Variants in TASOR2 observed in about 807,000 individuals in gnomAD.
The protein encoded by TASOR2 is transcription activation suppressor family member 2.
Under a neutral mutation model 199.5 loss-of-function variants are expected in TASOR2, and 84 were observed. The ratio of observed to expected loss-of-function variants is 0.42; its 90% CI spans 0.35 to 0.50. TASOR2 has a LOEUF of 0.50. Ranked by LOEUF, TASOR2 falls within the 20% of genes least tolerant of loss-of-function variation. The probability of loss-of-function intolerance (pLI) is 0.02; values close to 1 mark genes in which losing one functional copy is unlikely to be tolerated. For missense variants in TASOR2, 2,796 were observed against 2,835.9 expected (o/e 0.99, Z 0.32); for synonymous variants, 1,103 against 1,046.6 (o/e 1.05, Z -1.04).
At chr10:5,691,135 G>C (rs1248297737) in intron 1 of TASOR2, among the ~76,000 whole-genome samples, 1 of 149,918 alleles carries the variant, frequency 6.7e-6, no homozygotes, top group East Asian at 2.0e-4. Context: ...AGATTGCAGC[G>C]AGCCGAGATC....
intron 19 of TASOR2, 44 bp downstream of exon 20, chr10:5,761,515 C>T: frequency 1.3e-6 from 2 of 1,567,836 alleles, no homozygotes; most frequent in Non-Finnish European, 1.7e-6. Context: ...CAAAATTGGT[C>T]AGCTCTAGGA....
chr10:5,701,774 G>T lies in TASOR2; in HGVS notation c.-287-11049G>T, dbSNP rs891754258. Among the ~76,000 whole-genome samples, 18 of 152,180 alleles carry T rather than the reference G, an allele frequency of 1.2e-4. No homozygotes were observed. Among genetic ancestry groups the T allele is most frequent in the African/African-American group, 4.3e-4 (18 of 41,444 alleles). On this transcript the variant is annotated intron_variant, in intron 1 of 20. Transcript: ENST00000328090. This position sits in a 1 kb window ranked among gnomAD's most constrained non-coding sequence, Gnocchi z 4.9. ...CTTTTTCAGATTGCTTGCAGTTGGT[G>T]TATACCAACGCTACCGATTTTTGTA...
rs1833271184 is a variant in TASOR2, at chr10:5,720,857, C to G, written c.47-14C>G. The G allele has an allele frequency of 2.5e-6, 4 of 1,595,748 alleles. No homozygotes were observed. In the African/African-American group the frequency reaches 5.5e-5, roughly 22 times the overall value. ...CATAAATAATCAGTTTCTTTTTTAC[C>G]TTCATTTCTTCAGTTCTCATGTCTC... is the stretch of plus-strand genomic sequence containing the variant. On this transcript the variant is annotated splice_polypyrimidine_tract_variant and intron_variant, in intron 5 of 20. Transcript: ENST00000328090. The surrounding 1 kb of genome is among the most constrained non-coding windows in gnomAD (Gnocchi z 5.3).
rs1832825692 is a variant in TASOR2, at chr10:5,717,665, A to G, written c.-185A>G. 3 of 1,210,770 alleles carry G rather than the reference A, an allele frequency of 2.5e-6. No homozygotes were observed. The highest frequency in any genetic ancestry group is 3.1e-6 in the Non-Finnish European group (3 of 968,598). The allele number at this position is 1,210,770 out of a possible 1,614,324, so 75.0% of individuals were successfully genotyped here. A position where few individuals can be genotyped will look rare whatever the true frequency, so the allele number is the denominator to read the frequency against. ...ATATTTTATACTTTTACAGGTGTAT[A>G]CATTTCCAAATACTCCGACTGTCTT... On this transcript the variant is annotated 5_prime_UTR_variant, in exon 3 of 21. The change creates a new upstream start codon in the 5' untranslated region. Coordinates refer to ENST00000328090, the Ensembl canonical transcript of TASOR2.
At position 5,742,143 on chromosome 10, in the gene TASOR2, T is replaced by C; in HGVS notation, c.2374T>C (p.Leu792=). Residue 792 remains leucine (L), a synonymous_variant, in exon 14 of 21, where the codon TTA becomes CTA. Transcript: ENST00000328090. The surrounding 1 kb of genome is among the most constrained non-coding windows in gnomAD (Gnocchi z 4.2). The stretch of plus-strand genomic sequence containing the variant: ...TGATAATGTGGAAGAAGTGAAGCTT[T>C]TACTTCATATGTGGGTAGCTCTGTT... 5 of 1,614,188 alleles carry C rather than the reference T, an allele frequency of 3.1e-6. No individual in the cohort carries two copies. Among genetic ancestry groups the C allele is most frequent in the Non-Finnish European group, 4.2e-6 (5 of 1,180,022 alleles).
Position 5,685,425 on chromosome 10 carries a change from G to T in TASOR2, c.-288+250G>T, listed in dbSNP as rs1273398275. Among the ~76,000 whole-genome samples the T allele has an allele frequency of 2.6e-5, 4 of 152,140 alleles. No homozygotes were observed. ...AGGGAGATCCTAACCGTGTCATCTT[G>T]CCCCTTTCTGAGGCGTTTCGTTTGC... On this transcript the variant is annotated intron_variant, in intron 1 of 20. Coordinates refer to ENST00000328090, the Ensembl canonical transcript of TASOR2. This position sits in a 1 kb window ranked among gnomAD's most constrained non-coding sequence, Gnocchi z 5.4.
chr10:5,691,135 G>A (rs1248297737), intron 1 of TASOR2, among the ~76,000 whole-genome samples: 2 of 149,918 alleles, frequency 1.3e-5, no homozygotes, highest in African/African-American at 4.9e-5. Context: ...AGATTGCAGC[G>A]AGCCGAGATC....
rs1387094688 is a variant in TASOR2, at chr10:5,740,335, C to T, written c.2165C>T (p.Pro722Leu). 3 of 1,614,070 alleles carry T rather than the reference C, an allele frequency of 1.9e-6. No homozygotes were observed. The East Asian group carries it at 6.7e-5, about 36-fold the overall frequency. Reference sequence around the variant, plus strand: ...CCCGTGGTGAAGCCCAAGGATCGACCACCGTCTGCCCGTGTGAAAAAATCT... The same window carrying T: ...CCCGTGGTGAAGCCCAAGGATCGACTACCGTCTGCCCGTGTGAAAAAATCT... The change falls in exon 13 of 21, where the codon CCA becomes CTA. Residue 722 changes from proline (P) to leucine (L), a missense_variant. By Grantham distance (98) the Pro-to-Leu change is moderately conservative. Around this residue, in one of 3 missense-constraint regions of TASOR2, gnomAD observed 847 missense variants for 887.4 expected, o/e 0.95. Coordinates refer to ENST00000328090, the Ensembl canonical transcript of TASOR2. The surrounding 1 kb of genome is among the most constrained non-coding windows in gnomAD (Gnocchi z 5.3).
In TASOR2 at chr10:5,750,020, G is replaced by A; in HGVS notation, c.6599G>A (p.Arg2200Lys). The A allele has an allele frequency of 2.5e-6, 4 of 1,591,436 alleles. No individual in the cohort carries two copies. Among genetic ancestry groups the A allele is most frequent in the Non-Finnish European group, 3.4e-6 (4 of 1,168,372 alleles). ...ACAGAAGACAAATCATTCTTTGTAAGAACAAAGGTAAAGTGCCAGCCACGT... is the reference window on the plus strand; with the variant it reads ...ACAGAAGACAAATCATTCTTTGTAAAAACAAAGGTAAAGTGCCAGCCACGT... Residue 2200 changes from arginine (R) to lysine (K), a missense_variant, in exon 15 of 21, where the codon AGA becomes AAA. Physicochemically the swap from Arg to Lys is conservative, Grantham distance 26. Coordinates refer to ENST00000328090, the Ensembl canonical transcript of TASOR2. The surrounding 1 kb of genome is among the most constrained non-coding windows in gnomAD (Gnocchi z 5.4).
chr10:5,702,522 A>T (rs561985559), intron 1 of TASOR2, among the ~76,000 whole-genome samples: 1 of 151,894 alleles, frequency 6.6e-6, no homozygotes, highest in African/African-American at 2.4e-5. Flanking sequence ...AGAAATTTAT[A>T]TTAGTTCCTC....
intron 11 of TASOR2, 85 bp downstream of exon 12, chr10:5,731,288 G>C (rs1469162059): frequency 4.6e-6 from 6 of 1,316,492 alleles, no homozygotes; most frequent in Non-Finnish European, 6.3e-6. Context: ...CCAGCACTTT[G>C]GGAAACCAAG....
rs1487207438 is a variant in TASOR2, at chr10:5,752,150, G to T, written c.6606+2123G>T. On this transcript the variant is annotated intron_variant, in intron 15 of 20. Coordinates refer to ENST00000328090, the Ensembl canonical transcript of TASOR2. This position sits in a 1 kb window ranked among gnomAD's most constrained non-coding sequence, Gnocchi z 4.4. ...ATTCAGATGTCAGCAGTCCTGTTTA[G>T]TATCTACCTCAGAGCCCCAACATGT... Among the ~76,000 whole-genome samples, 1 of 152,168 alleles carries T rather than the reference G, an allele frequency of 6.6e-6. No individual in the cohort carries two copies. The highest frequency in any genetic ancestry group is 1.5e-5 in the Non-Finnish European group (1 of 68,036).
intron 1 of TASOR2, among the ~76,000 whole-genome samples, chr10:5,711,353 T>G (rs1055796821): frequency 1.4e-4 from 21 of 152,266 alleles, no homozygotes; most frequent in African/African-American, 4.6e-4. Context: ...TTTTTGAACT[T>G]TAATACATTT....
At position 5,685,021 on chromosome 10, in the gene TASOR2, G is replaced by C. The variant is rs1035550975; in HGVS notation, c.-442G>C. The C allele has an allele frequency of 2.5e-6, 1 of 397,666 alleles. No individual in the cohort carries two copies. The highest frequency in any genetic ancestry group is 4.4e-6 in the Non-Finnish European group (1 of 225,462). The allele number at this position is 397,666 out of a possible 1,614,324, so 24.6% of individuals were successfully genotyped here. The stretch of plus-strand genomic sequence containing the variant: ...GGCGGACGGCGTGCCCCTGAGGGGG[G>C]TCCCCGCGGGAGCGCGGAGCCGGCG... On this transcript the variant is annotated 5_prime_UTR_variant, in exon 1 of 21. Coordinates refer to ENST00000328090, the Ensembl canonical transcript of TASOR2. This position sits in a 1 kb window ranked among gnomAD's most constrained non-coding sequence, Gnocchi z 5.4.
intron 1 of TASOR2, among the ~76,000 whole-genome samples, chr10:5,704,259 A>G (rs1194707592): frequency 6.6e-6 from 1 of 151,944 alleles, no homozygotes; most frequent in East Asian, 1.9e-4. Context: ...ATTCTTGAGA[A>G]TAATGTTTAT....
chr10:5,723,463 G>A (rs1379557636), intron 6 of TASOR2, among the ~76,000 whole-genome samples: 1 of 152,038 alleles, frequency 6.6e-6, no homozygotes, highest in Non-Finnish European at 1.5e-5. Flanking sequence ...GTATTGAGAA[G>A]ATGTGAACAT....
intron 11 of TASOR2, among the ~76,000 whole-genome samples, chr10:5,733,432 TG>T (rs942966005): frequency 5.3e-5 from 8 of 152,088 alleles, no homozygotes; most frequent in African/African-American, 1.7e-4. Context: ...CTCTTGAACC[TG>T]GGAGGGAGAG....
chr10:5,756,938 T>C (rs765900172), intron 16 of TASOR2, among the ~76,000 whole-genome samples, 200 bp downstream of exon 17: 1 of 152,244 alleles, frequency 6.6e-6, no homozygotes, highest in Non-Finnish European at 1.5e-5. Flanking sequence ...AAAAATCATA[T>C]TAACTAAGGG....
At position 5,685,248 on chromosome 10, in the gene TASOR2, G is replaced by C. The variant is rs1835673613; in HGVS notation, c.-288+73G>C. ...GGCGGGTCCCCGAGGCCGAGCGCTC[G>C]GGCAGCTGCCGGGGCTTGGCTGCGA... On this transcript the variant is annotated intron_variant, in intron 1 of 20. Transcript: ENST00000328090. The surrounding 1 kb of genome is among the most constrained non-coding windows in gnomAD (Gnocchi z 5.4). 13 of 397,104 alleles carry C rather than the reference G, an allele frequency of 3.3e-5. No individual in the cohort carries two copies. Among genetic ancestry groups the C allele is most frequent in the African/African-American group, 6.2e-5 (3 of 48,542 alleles). 24.6% of individuals were successfully genotyped at this position (397,104 alleles called of 1,614,324 possible).
Sources: allele counts gnomAD v4.1 joint callset (sites outside exome capture counted in the v4.1 genomes callset), GRCh38; gene constraint gnomAD v4.1.1; regional missense constraint gnomAD v4.1.1; non-coding constraint Gnocchi (gnomAD v3.1); transcripts MANE v1.5; gene names NCBI Gene and HGNC (gene_info 2026-07-23, HGNC 2026-07-21).